The following KCNK17 variants were observed in gnomAD, a reference collection of about 807,000 sequenced individuals.
The protein encoded by KCNK17 is potassium two pore domain channel subfamily K member 17.
KCNK17 carries 27 observed loss-of-function variants against 24.6 expected under a neutral mutation model. That is an observed-to-expected ratio of 1.10 (90% CI 0.81 to 1.51). The LOEUF (loss-of-function observed/expected upper bound fraction) is 1.51. Among genes scored for constraint, KCNK17 ranks in the 40% most tolerant of loss-of-function variants. The pLI is 0.00. For missense variants in KCNK17, 450 were observed against 436.6 expected (o/e 1.03, Z -0.27); for synonymous variants, 181 against 189.8 (o/e 0.95, Z 0.38).
intron 1 of KCNK17, among the ~76,000 whole-genome samples, chr6:39,312,311 G>C (rs1271839078): frequency 6.6e-6 from 1 of 151,936 alleles, no homozygotes; most frequent in African/African-American, 2.4e-5. Context: ...GAAAGATCTG[G>C]GCTGGATACC....
intron 4 of KCNK17, among the ~76,000 whole-genome samples, chr6:39,302,585 T>G (rs115179014): frequency 0.01 from 1,532 of 152,256 alleles, 27 homozygotes; most frequent in African/African-American, 0.033. Context: ...GTGCCCAACC[T>G]GTGCAGCTAT....
chr6:39,305,658 A>T (rs1762023297), intron 2 of KCNK17, among the ~76,000 whole-genome samples: 1 of 152,186 alleles, frequency 6.6e-6, no homozygotes, highest in Non-Finnish European at 1.5e-5. Context: ...TGCAAAACTG[A>T]TTAGATCATC....
chr6:39,306,043 G>GT (rs1762030805), intron 2 of KCNK17, among the ~76,000 whole-genome samples: 1 of 144,122 alleles, frequency 6.9e-6, no homozygotes, highest in Admixed American at 7.2e-5. Flanking sequence ...CAGGGACTGG[G>GT]TCTTTTTTTT....
At chr6:39,302,790 G>C (rs1761968080) in intron 4 of KCNK17, among the ~76,000 whole-genome samples, 1 of 152,132 alleles carries the variant, frequency 6.6e-6, no homozygotes, top group Non-Finnish European at 1.5e-5. Flanking sequence ...ATCTTCCCAA[G>C]AATTTCCTTC....
At position 39,307,950 on chromosome 6, in the gene KCNK17, C is replaced by T. The variant is rs548326212; in HGVS notation, c.352+2943G>A. Among the ~76,000 whole-genome samples, 293 of 152,332 alleles carry T rather than the reference C, an allele frequency of 1.9e-3. 1 individual carries two copies. Among genetic ancestry groups the T allele is most frequent in the African/African-American group, 6.7e-3 (279 of 41,564 alleles). ...TTTGCACTTGCTGGCAGAGGATTCTCTCCTCAGATATCATCAGTTTGCTCC... is the reference window on the plus strand; with the variant it reads ...TTTGCACTTGCTGGCAGAGGATTCTTTCCTCAGATATCATCAGTTTGCTCC... On this transcript the variant is annotated intron_variant, in intron 2 of 4. Transcript: ENST00000373231.
At chr6:39,311,754 T>C (rs6907394) in intron 1 of KCNK17, among the ~76,000 whole-genome samples, 2,768 of 152,304 alleles carry the variant, frequency 0.018, 75 homozygotes, top group African/African-American at 0.058. Context: ...TGGGATGTTT[T>C]AGCTGGGCCT....
chr6:39,311,129 TAC>T (rs1762131818), intron 1 of KCNK17, 122 bp from the exon 2 acceptor site: 1 of 570,284 alleles, frequency 1.8e-6, no homozygotes, highest in South Asian at 2.2e-5. Flanking sequence ...CAAACAAACC[TAC>T]ACACACAGCC....
chr6:39,309,492 C>T (rs1330302854), intron 2 of KCNK17, among the ~76,000 whole-genome samples: 1 of 152,140 alleles, frequency 6.6e-6, no homozygotes. Flanking sequence ...CCTCTCTTTG[C>T]CCTCCTCACC....
chr6:39,299,264 C>T lies in KCNK17; in HGVS notation c.*163G>A, dbSNP rs1761900885. On this transcript the variant is annotated 3_prime_UTR_variant, in exon 5 of 5. Transcript: ENST00000373231. ...ACCCGAAAGTCACATCCCATGTCAC[C>T]CAGGACATGTCTCTGTATACCCTAT... 1 of 610,928 alleles carries T rather than the reference C, an allele frequency of 1.6e-6. No individual in the cohort carries two copies. The highest frequency in any genetic ancestry group is 1.8e-5 in the African/African-American group (1 of 54,110). 37.8% of individuals were successfully genotyped at this position (610,928 alleles called of 1,614,324 possible).
chr6:39,300,215 T>A (rs1437475885), intron 4 of KCNK17, among the ~76,000 whole-genome samples: 1 of 152,156 alleles, frequency 6.6e-6, no homozygotes, highest in Non-Finnish European at 1.5e-5. Context: ...CTCCGCCTCC[T>A]GGGTTCAAGC....
rs184009219 is a variant in KCNK17, at chr6:39,301,427, T to C, written c.689-1690A>G. On this transcript the variant is annotated intron_variant, in intron 4 of 4. Transcript: ENST00000373231. The stretch of plus-strand genomic sequence containing the variant: ...CCTCTCTAGGACCCCCACATGGGGA[T>C]GAGGCTGCCACCTGGGAGCTGACCT... Among the ~76,000 whole-genome samples, 624 of 152,312 alleles carry C rather than the reference T, an allele frequency of 4.1e-3. 2 individuals are homozygous for C. Among genetic ancestry groups the C allele is most frequent in the Non-Finnish European group, 7.0e-3 (479 of 68,012 alleles).
rs41273130 is a variant in KCNK17 at position 39,304,638 on chromosome 6, G to A, written c.370C>T (p.Pro124Ser). 6.2e-7 allele frequency: 1 copy of A among 1,612,402 alleles called. No homozygotes were observed. Among genetic ancestry groups the A allele is most frequent in the Non-Finnish European group, 8.5e-7 (1 of 1,178,552 alleles). Residue 124 changes from proline to serine, a missense_variant, in exon 3 of 5, where the codon CCC (proline) becomes TCC (serine). Transcript: ENST00000373231. ...AAGAGGCGGGCAGCCATCGTGTTGG[G>A]GCTCAGGTTGCCATAGCCTGAGGTG... ...ITTIGYGNLS[P>S]NTMAARLFCI...
At position 39,304,736 on chromosome 6, in the gene KCNK17, A is replaced by G; in HGVS notation, c.353-81T>C. ...CACCACAGCCCCACTCCTGGGCCCA[A>G]CCCCCAGGGCCCTCATTCTAACCCA... On this transcript the variant is annotated intron_variant, in intron 2 of 4. Coordinates refer to ENST00000373231, the MANE Select transcript of KCNK17 (RefSeq NM_031460.4). 6 of 1,459,052 alleles carry G rather than the reference A, an allele frequency of 4.1e-6. No homozygotes were observed. In the South Asian group the frequency reaches 6.1e-5, roughly 15 times the overall value. The allele number at this position is 1,459,052 out of a possible 1,614,324, so 90.4% of individuals were successfully genotyped here.
intron 4 of KCNK17, among the ~76,000 whole-genome samples, chr6:39,303,545 TG>T (rs1434486560): frequency 6.6e-6 from 1 of 152,206 alleles, no homozygotes; most frequent in Admixed American, 6.5e-5. Flanking sequence ...CTGGGGAGGC[TG>T]GGGTTCCAGG....
In KCNK17 at chr6:39,314,266, C is replaced by A. The variant is rs1366049505; in HGVS notation, c.55G>T (p.Val19Leu). 3 of 1,523,486 alleles carry A rather than the reference C, an allele frequency of 2.0e-6. No homozygotes were observed. Among genetic ancestry groups the A allele is most frequent in the Non-Finnish European group, 2.6e-6 (3 of 1,140,090 alleles). 94.4% of individuals were successfully genotyped at this position (1,523,486 alleles called of 1,614,324 possible). ...APEGRVRGCA[V>L]PSTVLLLLAY... ...AGCAGCAGGAGCACGGTGCTGGGCACCGCGCAGCCCCGGACCCTGCCCTCG... is the reference window on the plus strand; with the variant it reads ...AGCAGCAGGAGCACGGTGCTGGGCAACGCGCAGCCCCGGACCCTGCCCTCG... The change falls in exon 1 of 5, where the codon GTG (valine) becomes TTG (leucine). Residue 19 changes from valine (V) to leucine (L), a missense_variant. Transcript: ENST00000373231.
Position 39,314,083 on chromosome 6 carries a change from C to A in KCNK17, c.237+1G>T. 1 of 1,577,900 alleles carries A rather than the reference C, an allele frequency of 6.3e-7. No homozygotes were observed. The highest frequency in any genetic ancestry group is 1.1e-5 in the South Asian group (1 of 87,554). On this transcript the variant is annotated splice_donor_variant, in intron 1 of 4. Coordinates refer to ENST00000373231, the MANE Select transcript of KCNK17 (RefSeq NM_031460.4). LOFTEE classifies it high-confidence loss of function. ...CCAGGCCGACGCCGCTCGCCCCTGACCCGGATCAGCGAGTCCAGCGCCGGG... is the reference window on the plus strand; with the variant it reads ...CCAGGCCGACGCCGCTCGCCCCTGAACCGGATCAGCGAGTCCAGCGCCGGG...
chr6:39,307,079 C>T (rs1163314159), intron 2 of KCNK17, among the ~76,000 whole-genome samples: 2 of 152,122 alleles, frequency 1.3e-5, no homozygotes, highest in Non-Finnish European at 1.5e-5. Flanking sequence ...TTCCTTCCTT[C>T]CTTCCTTCTG....
Position 39,303,888 on chromosome 6 carries a change from C to T in KCNK17, c.688+69G>A, listed in dbSNP as rs1007170918. The T allele has an allele frequency of 3.4e-5, 52 of 1,530,990 alleles. No homozygotes were observed. In the East Asian group the frequency reaches 4.7e-4, roughly 14 times the overall value. 94.8% of individuals were successfully genotyped at this position (1,530,990 alleles called of 1,614,324 possible). On this transcript the variant is annotated intron_variant, in intron 4 of 4. Coordinates refer to ENST00000373231, the MANE Select transcript of KCNK17 (RefSeq NM_031460.4). The stretch of plus-strand genomic sequence containing the variant: ...GTGCACACAGCAGGTGCGCCAGCTG[C>T]GGGAGCAGATGAGTGAGAGGTATAG...
Position 39,306,335 on chromosome 6 carries a change from C to T in KCNK17, c.353-1680G>A, listed in dbSNP as rs12154198. On this transcript the variant is annotated intron_variant, in intron 2 of 4. Transcript: ENST00000373231. The stretch of plus-strand genomic sequence containing the variant: ...CTGGGATTACAGGCGTGAGCCACCG[C>T]ACCCGGCCTGGGACTGGTTCTTAAT... Among the ~76,000 whole-genome samples, 1,214 of 152,324 alleles carry T rather than the reference C, an allele frequency of 8.0e-3. 6 individuals carry two copies. Among genetic ancestry groups the T allele is most frequent in the Middle Eastern group, 0.024 (7 of 292 alleles).
Sources: allele counts gnomAD v4.1 joint callset (sites outside exome capture counted in the v4.1 genomes callset), GRCh38; gene constraint gnomAD v4.1.1; transcripts MANE v1.5; gene names NCBI Gene and HGNC (gene_info 2026-07-23, HGNC 2026-07-21).